Variants in CXADR observed in about 807,000 individuals in gnomAD.
CXADR encodes the protein CXADR cell adhesion molecule.
In CXADR, 20 loss-of-function variants were observed where a neutral mutation model predicts 40.3. The observed-to-expected ratio is 0.50, with a 90% CI of 0.35 to 0.72. The LOEUF is 0.72. CXADR is among the 30% of genes least tolerant of loss of function. The probability of loss-of-function intolerance (pLI) is 0.01; values close to 1 mark genes in which losing one functional copy is unlikely to be tolerated. For synonymous variants in CXADR, 150 were observed against 161.3 expected, an observed-to-expected ratio of 0.93 and a Z score of 0.53; for missense variants, 332 against 449.1, an observed-to-expected ratio of 0.74 and a Z score of 2.36.
At chr21:17,598,490 G>T, downstream of CXADR, 1 of 750,698 alleles carries the variant, frequency 1.3e-6, no homozygotes, top group South Asian at 2.0e-5. Context: ...CCCTTAGCAT[G>T]GGGAAAGGCA....
chr21:17,516,919 A>T (rs912583192), intron 1 of CXADR, among the ~76,000 whole-genome samples: 2 of 152,186 alleles, frequency 1.3e-5, no homozygotes, highest in African/African-American at 4.8e-5. Flanking sequence ...TTATATGTAG[A>T]TAAACATACA....
downstream of CXADR, among the ~76,000 whole-genome samples, chr21:17,595,551 A>T (rs2061493828): frequency 6.6e-6 from 1 of 152,034 alleles, no homozygotes; most frequent in Admixed American, 6.6e-5. Flanking sequence ...TTTACATTTC[A>T]TAATAATACA....
the CXADR span, among the ~76,000 whole-genome samples, chr21:17,606,424 T>C: frequency 2.0e-5 from 3 of 152,296 alleles, no homozygotes; most frequent in African/African-American, 7.2e-5. Flanking sequence ...TTTTCTAGTA[T>C]GTAAAATACT....
the CXADR span, chr21:17,604,082 G>A: frequency 8.2e-7 from 1 of 1,220,852 alleles, no homozygotes; most frequent in Admixed American, 3.0e-5. Flanking sequence ...CTATTCATTA[G>A]GAGATGTGAA....
the CXADR span, among the ~76,000 whole-genome samples, chr21:17,630,945 G>A: frequency 6.6e-6 from 1 of 152,060 alleles, no homozygotes; most frequent in African/African-American, 2.4e-5. Flanking sequence ...CGAACAAGAA[G>A]ACAAAGAAAG....
At chr21:17,597,122 C>A (rs531832994), downstream of CXADR, among the ~76,000 whole-genome samples, 4 of 152,024 alleles carry the variant, frequency 2.6e-5, no homozygotes, top group East Asian at 5.8e-4. Context: ...TTAAAAAGCA[C>A]GTAAGAGACA....
In CXADR at chr21:17,566,744, C is replaced by A; in HGVS notation, c.*1052C>A. On this transcript the variant is annotated 3_prime_UTR_variant, in exon 7 of 7. Transcript: ENST00000284878. ...CTAAATTTACCCTCTTGAATATAATCCCTGGATGATATTTTTTATCATAAA... is the reference window on the plus strand; with the variant it reads ...CTAAATTTACCCTCTTGAATATAATACCTGGATGATATTTTTTATCATAAA... The A allele has an allele frequency of 4.2e-6, 4 of 963,678 alleles. No homozygotes were observed. The highest frequency in any genetic ancestry group is 4.9e-6 in the Non-Finnish European group (4 of 810,602). The allele number at this position is 963,678 out of a possible 1,614,324, so 59.7% of individuals were successfully genotyped here. A position where few individuals can be genotyped will look rare whatever the true frequency, so the allele number is the denominator to read the frequency against.
chr21:17,594,424 C>A, downstream of CXADR: 2 of 1,423,058 alleles, frequency 1.4e-6, no homozygotes, highest in South Asian at 1.4e-5. Context: ...AAGTTACCCA[C>A]AACACTGAGA....
intron 7 of CXADR, among the ~76,000 whole-genome samples, chr21:17,584,885 A>T (rs1201226160): frequency 6.6e-6 from 1 of 152,234 alleles, no homozygotes; most frequent in Non-Finnish European, 1.5e-5. Flanking sequence ...TTCATGTTAC[A>T]GTCTCTTTAA....
At chr21:17,585,812 C>T (rs912432564) in intron 7 of CXADR, among the ~76,000 whole-genome samples, 4 of 152,106 alleles carry the variant, frequency 2.6e-5, no homozygotes, top group African/African-American at 7.2e-5. Flanking sequence ...GCCACCGCGC[C>T]CGGTTTTAAT....
At chr21:17,540,044 A>C (rs1471152380) in intron 1 of CXADR, among the ~76,000 whole-genome samples, 1 of 152,198 alleles carries the variant, frequency 6.6e-6, no homozygotes, top group East Asian at 1.9e-4. Flanking sequence ...GTCCAAGATT[A>C]AGATGCCAGC....
chr21:17,543,036 T>C (rs1342605336), intron 1 of CXADR: 4 of 375,770 alleles, frequency 1.1e-5, no homozygotes, highest in South Asian at 8.2e-5. Context: ...TGCAACACAG[T>C]GAAGAGGAAT....
intron 1 of CXADR, 45 bp from the exon 2 acceptor site, chr21:17,546,982 C>T (rs1249026635): frequency 1.2e-6 from 2 of 1,602,346 alleles, no homozygotes; most frequent in East Asian, 2.2e-5. Context: ...TGTGGGCTGT[C>T]AGCGTATAGC....
chr21:17,614,712 C>A, the CXADR span, among the ~76,000 whole-genome samples: 505 of 152,234 alleles, frequency 3.3e-3, 3 homozygotes, highest in African/African-American at 0.011. Flanking sequence ...CATGGCACTC[C>A]AGCCTGGGTG....
intron 1 of CXADR, chr21:17,518,861 GT>G: frequency 2.6e-6 from 4 of 1,560,560 alleles, no homozygotes; most frequent in South Asian, 1.1e-5. Context: ...TTCACAGCCA[GT>G]TTTTTTAGAG....
At chr21:17,519,226 G>A (rs2060498736) in intron 1 of CXADR, among the ~76,000 whole-genome samples, 1 of 152,204 alleles carries the variant, frequency 6.6e-6, no homozygotes, top group Non-Finnish European at 1.5e-5. Context: ...AGAGGACAGG[G>A]CCATTACCTA....
chr21:17,581,465 C>T (rs1023212415), intron 7 of CXADR, among the ~76,000 whole-genome samples: 4 of 152,154 alleles, frequency 2.6e-5, no homozygotes, highest in Non-Finnish European at 5.9e-5. Flanking sequence ...TTGATCTTTC[C>T]TGACCTCAGG....
downstream of CXADR, chr21:17,593,809 G>T: frequency 2.9e-6 from 1 of 344,554 alleles, no homozygotes. Flanking sequence ...CTTCTACAGT[G>T]TTCTCGTATC....
Position 17,566,730 on chromosome 21 carries a change from C to T in CXADR, c.*1038C>T, listed in dbSNP as rs1203638597. On this transcript the variant is annotated 3_prime_UTR_variant, in exon 7 of 7. Coordinates refer to ENST00000284878, the MANE Select transcript of CXADR (RefSeq NM_001338.5). ...AGAAACATGTAATCCTAAATTTACCCTCTTGAATATAATCCCTGGATGATA... is the reference window on the plus strand; with the variant it reads ...AGAAACATGTAATCCTAAATTTACCTTCTTGAATATAATCCCTGGATGATA... 9 of 965,368 alleles carry T rather than the reference C, an allele frequency of 9.3e-6. No individual in the cohort carries two copies. The highest frequency in any genetic ancestry group is 1.1e-5 in the Non-Finnish European group (9 of 812,210). 59.8% of individuals were successfully genotyped at this position (965,368 alleles called of 1,614,324 possible). A position where few individuals can be genotyped will look rare whatever the true frequency, so the allele number is the denominator to read the frequency against.
Sources: gnomAD v4.1 joint callset for allele counts (sites outside exome capture counted in the v4.1 genomes callset) on GRCh38, gnomAD v4.1.1 for gene constraint, MANE v1.5 for transcripts, NCBI Gene and HGNC (gene_info 2026-07-23, HGNC 2026-07-21) for gene names.